The following SNTB1 variants were observed in gnomAD, a reference collection of about 807,000 sequenced individuals.
SNTB1 encodes the protein syntrophin beta 1, also known as beta-1-syntrophin.
A neutral mutation model predicts 48.9 loss-of-function variants in SNTB1; 36 were observed. The observed-to-expected ratio is 0.74, with a 90% CI of 0.56 to 0.97. The LOEUF (loss-of-function observed/expected upper bound fraction) is 0.97. Among genes scored for constraint, SNTB1 ranks in the 50% least tolerant of loss-of-function variants. The probability of loss-of-function intolerance (pLI) is 0.00; values close to 1 mark genes in which losing one functional copy is unlikely to be tolerated. For synonymous variants in SNTB1, 299 were observed against 294.6 expected (o/e 1.01, Z -0.15); for missense variants, 786 against 703.4 (o/e 1.12, Z -1.33).
At chr8:120,551,934 C>T (rs965353938) in intron 4 of SNTB1, among the ~76,000 whole-genome samples, 8 of 152,066 alleles carry the variant, frequency 5.3e-5, no homozygotes, top group African/African-American at 1.9e-4. Context: ...GTATTTAGTA[C>T]ATTATAGTCA....
At chr8:120,565,012 T>C (rs1182794299) in intron 4 of SNTB1, among the ~76,000 whole-genome samples, 1 of 152,218 alleles carries the variant, frequency 6.6e-6, no homozygotes, top group Non-Finnish European at 1.5e-5. Context: ...TTGTTTTCTC[T>C]CTCTACCAGC....
At position 120,603,023 on chromosome 8, in the gene SNTB1, T is replaced by G. The variant is rs796561661; in HGVS notation, c.997-27798A>C. Among the ~76,000 whole-genome samples the G allele has an allele frequency of 5.9e-5, 9 of 152,194 alleles. 1 individual carries two copies. The highest frequency in any genetic ancestry group is 2.2e-4 in the African/African-American group (9 of 41,566). Reference sequence around the variant, plus strand: ...AAATGTACAATTCAATTATTCTCAGTTATTTTTGTGGGGCTATCGCCATAA... The same window carrying G: ...AAATGTACAATTCAATTATTCTCAGGTATTTTTGTGGGGCTATCGCCATAA... On this transcript the variant is annotated intron_variant, in intron 3 of 6. Coordinates refer to ENST00000517992, the MANE Select transcript of SNTB1 (RefSeq NM_021021.4).
At chr8:120,719,725 G>A (rs983128207) in intron 1 of SNTB1, among the ~76,000 whole-genome samples, 32 of 152,170 alleles carry the variant, frequency 2.1e-4, no homozygotes, top group African/African-American at 6.8e-4. Context: ...AATCCAGGAA[G>A]CACAAACCAG....
chr8:120,595,835 G>A (rs1342989404), intron 3 of SNTB1, among the ~76,000 whole-genome samples: 1 of 152,030 alleles, frequency 6.6e-6, no homozygotes, highest in South Asian at 2.1e-4. Context: ...TGCCCACCTT[G>A]GCCTCCCAAA....
chr8:120,664,121 A>G (rs576444504), intron 2 of SNTB1, among the ~76,000 whole-genome samples: 33 of 152,314 alleles, frequency 2.2e-4, no homozygotes, highest in Non-Finnish European at 4.1e-4. Context: ...GCCATTCAGG[A>G]AGCACAGCAT....
At chr8:120,543,729 G>A (rs1013320599) in intron 5 of SNTB1, among the ~76,000 whole-genome samples, 9 of 152,102 alleles carry the variant, frequency 5.9e-5, no homozygotes, top group Non-Finnish European at 2.9e-5. Context: ...CACAGAATGC[G>A]GTGGCTGTTA....
At chr8:120,578,086 G>A (rs1815979358) in intron 3 of SNTB1, among the ~76,000 whole-genome samples, 2 of 152,192 alleles carry the variant, frequency 1.3e-5, no homozygotes, top group African/African-American at 4.8e-5. Context: ...AGGCTGGAGT[G>A]CAGTGGTGCG....
chr8:120,546,873 T>C (rs1815389983), intron 5 of SNTB1, among the ~76,000 whole-genome samples: 1 of 152,194 alleles, frequency 6.6e-6, no homozygotes, highest in Non-Finnish European at 1.5e-5. Context: ...TCTCTGTATG[T>C]TTTGGAGAGT....
At chr8:120,722,565 T>C (rs570506265) in intron 1 of SNTB1, among the ~76,000 whole-genome samples, 19 of 152,172 alleles carry the variant, frequency 1.2e-4, no homozygotes, top group African/African-American at 4.6e-4. Flanking sequence ...TGTCTGTTCA[T>C]ATCCGTTGCT....
intron 1 of SNTB1, among the ~76,000 whole-genome samples, chr8:120,696,870 T>C (rs1258384090): frequency 6.6e-6 from 1 of 152,150 alleles, no homozygotes; most frequent in South Asian, 2.1e-4. Context: ...AGATGAAGGA[T>C]GCAAATGACA....
chr8:120,622,571 T>A (rs560620138), intron 3 of SNTB1, among the ~76,000 whole-genome samples: 9 of 152,250 alleles, frequency 5.9e-5, no homozygotes, highest in African/African-American at 2.2e-4. Context: ...AAAAAAATAA[T>A]TATTCCATGA....
chr8:120,694,799 A>C (rs1485965871), intron 1 of SNTB1, among the ~76,000 whole-genome samples: 2 of 152,140 alleles, frequency 1.3e-5, no homozygotes, highest in African/African-American at 4.8e-5. Context: ...AAGTGGAAAT[A>C]AAAGCCATAA....
chr8:120,780,808 T>C (rs1819819887), intron 1 of SNTB1, among the ~76,000 whole-genome samples: 1 of 152,272 alleles, frequency 6.6e-6, no homozygotes, highest in African/African-American at 2.4e-5. Context: ...TAATAAGTGG[T>C]ACTTCTTAAA....
chr8:120,635,899 C>T, intron 2 of SNTB1: 1 of 418,508 alleles, frequency 2.4e-6, no homozygotes, highest in Non-Finnish European at 4.6e-6. Flanking sequence ...TCAGGCTGGT[C>T]ACCAAATTCT....
At chr8:120,628,029 A>G (rs1816912835) in intron 3 of SNTB1, among the ~76,000 whole-genome samples, 1 of 152,232 alleles carries the variant, frequency 6.6e-6, no homozygotes, top group Admixed American at 6.5e-5. Flanking sequence ...GGGAGGCACA[A>G]CTACATAAAC....
chr8:120,728,930 G>A (rs145310547), intron 1 of SNTB1, among the ~76,000 whole-genome samples: 28 of 151,894 alleles, frequency 1.8e-4, no homozygotes, highest in South Asian at 4.2e-4. Context: ...CCCACAAACC[G>A]TGTATAAATG....
chr8:120,665,811 G>C (rs968659367), intron 2 of SNTB1, among the ~76,000 whole-genome samples: 8 of 152,068 alleles, frequency 5.3e-5, no homozygotes, highest in African/African-American at 1.9e-4. Context: ...TTATAGCACT[G>C]TTTGCTTAAA....
intron 1 of SNTB1, among the ~76,000 whole-genome samples, chr8:120,707,962 C>T (rs1818406202): frequency 6.6e-6 from 1 of 151,764 alleles, no homozygotes; most frequent in African/African-American, 2.4e-5. Context: ...TCAAAATATT[C>T]CACATGTGCC....
At chr8:120,692,798 T>C (rs1258412702) in intron 2 of SNTB1, among the ~76,000 whole-genome samples, 1 of 152,194 alleles carries the variant, frequency 6.6e-6, no homozygotes, top group Non-Finnish European at 1.5e-5. Flanking sequence ...AAGGTGAATT[T>C]GTTTATTACT....
Sources: gnomAD v4.1 joint callset for allele counts (sites outside exome capture counted in the v4.1 genomes callset) on GRCh38, gnomAD v4.1.1 for gene constraint, MANE v1.5 for transcripts, NCBI Gene and HGNC (gene_info 2026-07-23, HGNC 2026-07-21) for gene names.